Variants in ERC2 observed in about 807,000 individuals in gnomAD.
ERC2 encodes the protein ELKS/RAB6-interacting/CAST family member 2.
A neutral mutation model predicts 114.8 loss-of-function variants in ERC2; 42 were observed. The observed-to-expected ratio is 0.37, with a 90% CI of 0.29 to 0.47. The LOEUF (loss-of-function observed/expected upper bound fraction) is 0.47, where lower values mean the gene tolerates loss of function less well. Ranked by LOEUF, ERC2 falls within the 20% of genes least tolerant of loss-of-function variation. The pLI is 0.99. For missense variants in ERC2, 939 were observed against 1,150.7 expected (o/e 0.82, Z 2.66); for synonymous variants, 454 against 425.5 (o/e 1.07, Z -0.82).
intron 14 of ERC2, among the ~76,000 whole-genome samples, chr3:55,886,014 A>G (rs2063334650): frequency 6.6e-6 from 1 of 152,194 alleles, no homozygotes; most frequent in African/African-American, 2.4e-5. Flanking sequence ...ACAGGAAGTA[A>G]TTAAAATTTC....
chr3:56,221,561 C>T (rs1428166570), intron 3 of ERC2, among the ~76,000 whole-genome samples: 2 of 152,170 alleles, frequency 1.3e-5, no homozygotes, highest in Admixed American at 6.5e-5. Context: ...ACACTCAATT[C>T]CAAGGTGTAC....
chr3:56,448,517 C>A (rs1349762154), intron 1 of ERC2, among the ~76,000 whole-genome samples: 1 of 152,162 alleles, frequency 6.6e-6, no homozygotes, highest in Non-Finnish European at 1.5e-5. Context: ...CCGCCAACAC[C>A]CTTTCTCCCC....
intron 7 of ERC2, among the ~76,000 whole-genome samples, chr3:56,022,755 A>T (rs535767878): frequency 6.6e-6 from 1 of 152,200 alleles, no homozygotes; most frequent in Non-Finnish European, 1.5e-5. Flanking sequence ...GAGAAATTTC[A>T]TATTGCAGAA....
At position 55,642,532 on chromosome 3, in the gene ERC2, G is replaced by A. The variant is rs371128223; in HGVS notation, c.*39+41262C>T. On this transcript the variant is annotated intron_variant, in intron 17 of 17. Coordinates refer to ENST00000288221, the MANE Select transcript of ERC2 (RefSeq NM_015576.3). The stretch of plus-strand genomic sequence containing the variant: ...GTATTTTTAGTAGAGATGGGGTTTC[G>A]TCATGTTGGCCAGTCTGGTCTCGAA... Among the ~76,000 whole-genome samples, 42 of 151,888 alleles carry A rather than the reference G, an allele frequency of 2.8e-4. No homozygotes were observed. In the South Asian group the frequency reaches 5.8e-3, roughly 21 times the overall value.
At chr3:56,205,321 A>G (rs902653716) in intron 3 of ERC2, among the ~76,000 whole-genome samples, 13 of 152,160 alleles carry the variant, frequency 8.5e-5, no homozygotes, top group African/African-American at 2.9e-4. Flanking sequence ...AATTTTCCTC[A>G]TTAAGCCCAT....
intron 14 of ERC2, among the ~76,000 whole-genome samples, chr3:55,736,595 T>C (rs2065650598): frequency 6.6e-6 from 1 of 152,190 alleles, no homozygotes; most frequent in African/African-American, 2.4e-5. Context: ...TCATCGATCT[T>C]GTGCACCACC....
At chr3:56,119,759 T>C (rs2079466838) in intron 6 of ERC2, among the ~76,000 whole-genome samples, 1 of 152,174 alleles carries the variant, frequency 6.6e-6, no homozygotes, top group Non-Finnish European at 1.5e-5. Context: ...TTAAGATGAA[T>C]CATTAGTAGT....
intron 3 of ERC2, among the ~76,000 whole-genome samples, chr3:56,233,802 G>A (rs2050776722): frequency 1.3e-5 from 2 of 152,042 alleles, no homozygotes; most frequent in African/African-American, 4.8e-5. Context: ...TGGCTCATGG[G>A]CATCGACCAT....
At chr3:56,409,205 CGTGTATGCATGT>C (rs2060845041) in intron 2 of ERC2, among the ~76,000 whole-genome samples, 1 of 152,090 alleles carries the variant, frequency 6.6e-6, no homozygotes, top group Admixed American at 6.5e-5. Flanking sequence ...AGAGTGTATG[CGTGTATGCATGT>C]GTCCAGGCTC....
At chr3:56,228,640 T>C (rs1402680974) in intron 3 of ERC2, among the ~76,000 whole-genome samples, 1 of 152,242 alleles carries the variant, frequency 6.6e-6, no homozygotes, top group Non-Finnish European at 1.5e-5. Flanking sequence ...TGTTGGCTAC[T>C]GTAAATATTG....
At chr3:56,018,787 G>A in intron 8 of ERC2, 107 bp downstream of exon 8, 1 of 1,255,534 alleles carries the variant, frequency 8.0e-7, no homozygotes, top group Non-Finnish European at 1.1e-6. Flanking sequence ...ACTAAAGGTA[G>A]TGTTAGCAAA....
Position 56,112,432 on chromosome 3 carries a change from GACACACAC to G in ERC2, c.1473+27069_1473+27076del, listed in dbSNP as rs3052551. ...AACCTTGAGTGAGAAAAGACAGACA[GACACACAC>G]ACACACACACACACACACACACACA... On this transcript the variant is annotated intron_variant, in intron 6 of 17. Coordinates refer to ENST00000288221, the MANE Select transcript of ERC2 (RefSeq NM_015576.3). Among the ~76,000 whole-genome samples, 926 of 149,070 alleles carry G rather than the reference GACACACAC, an allele frequency of 6.2e-3. 4 individuals are homozygous for G. The highest frequency in any genetic ancestry group is 0.017 in the Middle Eastern group (5 of 290).
At chr3:55,969,637 T>G (rs1321335927) in intron 12 of ERC2, among the ~76,000 whole-genome samples, 6 of 152,148 alleles carry the variant, frequency 3.9e-5, no homozygotes, top group African/African-American at 1.4e-4. Flanking sequence ...CAGGGTTGAG[T>G]GTTAAGTCCT....
intron 14 of ERC2, among the ~76,000 whole-genome samples, chr3:55,796,944 A>T (rs1192988711): frequency 1.3e-5 from 2 of 152,378 alleles, no homozygotes; most frequent in Admixed American, 6.5e-5. Flanking sequence ...TTTTTCCCAC[A>T]TATGTGAGAG....
intron 12 of ERC2, among the ~76,000 whole-genome samples, chr3:55,982,545 T>G (rs1337716560): frequency 6.6e-6 from 1 of 152,162 alleles, no homozygotes; most frequent in East Asian, 1.9e-4. Context: ...CTGCTTCTGC[T>G]CCTGTTGTTT....
intron 7 of ERC2, among the ~76,000 whole-genome samples, chr3:56,059,433 T>C (rs2076157635): frequency 6.6e-6 from 1 of 152,192 alleles, no homozygotes; most frequent in Non-Finnish European, 1.5e-5. Flanking sequence ...AAATCCAGAC[T>C]ACTTCAGTTC....
intron 2 of ERC2, among the ~76,000 whole-genome samples, chr3:56,313,011 T>TATATATATATATATATAG (rs2056675431): frequency 3.5e-5 from 4 of 115,190 alleles, no homozygotes; most frequent in Non-Finnish European, 5.5e-5. Flanking sequence ...CATATATATA[T>TATATATATATATATATAG]ATATATATAT....
chr3:55,735,561 A>T (rs1219224348), intron 14 of ERC2, among the ~76,000 whole-genome samples: 2 of 152,200 alleles, frequency 1.3e-5, no homozygotes, highest in East Asian at 3.9e-4. Context: ...CAAGATAATT[A>T]GTCCATTTGT....
At chr3:55,604,068 C>T (rs1324705522) in intron 17 of ERC2, among the ~76,000 whole-genome samples, 1 of 152,140 alleles carries the variant, frequency 6.6e-6, no homozygotes, top group Non-Finnish European at 1.5e-5. Flanking sequence ...AAATATATTA[C>T]ACTAAGATGA....
Sources: allele counts gnomAD v4.1 joint callset (sites outside exome capture counted in the v4.1 genomes callset), GRCh38; gene constraint gnomAD v4.1.1; transcripts MANE v1.5; gene names NCBI Gene and HGNC (gene_info 2026-07-23, HGNC 2026-07-21).